Variants in KCNIP3 observed in about 807,000 individuals in gnomAD.
KCNIP3 encodes the protein potassium voltage-gated channel interacting protein 3, also known as calsenilin.
In KCNIP3, 28 loss-of-function variants were observed where a neutral mutation model predicts 35.0. The observed-to-expected ratio is 0.80, with a 90% CI of 0.59 to 1.10. KCNIP3 has a LOEUF of 1.10. Ranked by LOEUF, KCNIP3 falls within the 50% of genes least tolerant of loss-of-function variation. KCNIP3 has a pLI of 0.00. For missense variants in KCNIP3, 295 were observed against 338.4 expected (o/e 0.87, Z 1.01); for synonymous variants, 134 against 133.8 (o/e 1.00, Z -0.01).
chr2:95,359,365 A>G (rs1679735226), intron 2 of KCNIP3, among the ~76,000 whole-genome samples: 1 of 152,226 alleles, frequency 6.6e-6, no homozygotes. Context: ...CCGGCAAGAA[A>G]AAAGGGGGTA....
intron 2 of KCNIP3, among the ~76,000 whole-genome samples, chr2:95,367,115 A>G (rs1278839598): frequency 1.3e-5 from 2 of 152,042 alleles, no homozygotes; most frequent in Non-Finnish European, 2.9e-5. Context: ...TCTACTAAAA[A>G]TACAAAAACT....
intron 2 of KCNIP3, among the ~76,000 whole-genome samples, chr2:95,314,212 C>T (rs181851201): frequency 1.4e-4 from 22 of 152,172 alleles, no homozygotes; most frequent in Admixed American, 3.9e-4. Context: ...GTCTCTAATA[C>T]GTAAAGATCT....
rs555122981 is a variant in KCNIP3, at chr2:95,377,157, C to T, written c.447+1949C>T. Among the ~76,000 whole-genome samples the T allele has an allele frequency of 8.5e-5, 13 of 152,336 alleles. No individual in the cohort carries two copies. The highest frequency in any genetic ancestry group is 3.4e-3 in the Middle Eastern group (1 of 294). On this transcript the variant is annotated intron_variant, in intron 5 of 8. Transcript: ENST00000295225. The surrounding 1 kb of genome is among the most constrained non-coding windows in gnomAD (Gnocchi z 4.7). ...CAGCGCCACACACAGATTTGCTGAA[C>T]GCTCTGGCCACCAGGGCCTTTCTCG... is the stretch of plus-strand genomic sequence containing the variant.
chr2:95,298,495 C>T (rs181958727), intron 1 of KCNIP3, among the ~76,000 whole-genome samples: 10 of 152,274 alleles, frequency 6.6e-5, no homozygotes, highest in Non-Finnish European at 1.5e-4. Flanking sequence ...GACCCAGAGA[C>T]AATCAGGGTC....
In KCNIP3 at chr2:95,384,091, C is replaced by G. The variant is rs755537085; in HGVS notation, c.*42C>G. The G allele has an allele frequency of 8.8e-6, 14 of 1,590,454 alleles. No homozygotes were observed. In the South Asian group the frequency reaches 1.1e-4, roughly 13 times the overall value. On this transcript the variant is annotated 3_prime_UTR_variant, in exon 9 of 9. Coordinates refer to ENST00000295225, the MANE Select transcript of KCNIP3 (RefSeq NM_013434.5). The stretch of plus-strand genomic sequence containing the variant: ...TGCATGGCCACAGCCACCTCCACCC[C>G]CAAGAAACCTCCATCCTGCCAGGAG...
rs573333308 is a variant in KCNIP3 at position 95,377,948 on chromosome 2, G to T, written c.447+2740G>T. 2.0e-5 allele frequency among the ~76,000 whole-genome samples: 3 copies of T among 152,286 alleles called. No homozygotes were observed. Among genetic ancestry groups the T allele is most frequent in the African/African-American group, 7.2e-5 (3 of 41,552 alleles). The stretch of plus-strand genomic sequence containing the variant: ...GATAAGGTGGAGGACAGCGGTGCCT[G>T]CCCAGGGTCCCCAGGAGAACGGTGT... On this transcript the variant is annotated intron_variant, in intron 5 of 8. Coordinates refer to ENST00000295225, the MANE Select transcript of KCNIP3 (RefSeq NM_013434.5). The surrounding 1 kb of genome is among the most constrained non-coding windows in gnomAD (Gnocchi z 4.7).
Position 95,381,579 on chromosome 2 carries a change from C to T in KCNIP3, c.448-17C>T. 6.3e-7 allele frequency: 1 copy of T among 1,590,154 alleles called. No homozygotes were observed. The highest frequency in any genetic ancestry group is 1.3e-5 in the African/African-American group (1 of 74,598). ...CATTGATTGGATGTCACGCCCCACACTCTCCTTTCCCCATAGGACTTTGTG... is the reference window on the plus strand; with the variant it reads ...CATTGATTGGATGTCACGCCCCACATTCTCCTTTCCCCATAGGACTTTGTG... On this transcript the variant is annotated splice_polypyrimidine_tract_variant and intron_variant, in intron 5 of 8. Transcript: ENST00000295225.
At chr2:95,337,967 G>A (rs1467942545) in intron 2 of KCNIP3, among the ~76,000 whole-genome samples, 3 of 152,222 alleles carry the variant, frequency 2.0e-5, no homozygotes, top group Non-Finnish European at 4.4e-5. Context: ...GAAACTGGAG[G>A]TGGTGGGGGA....
chr2:95,305,280 C>G (rs543631308), intron 1 of KCNIP3, among the ~76,000 whole-genome samples: 1 of 152,180 alleles, frequency 6.6e-6, no homozygotes, highest in African/African-American at 2.4e-5. Context: ...TGCATGCTTG[C>G]GTTTTTAACA....
Position 95,350,163 on chromosome 2 carries a change from C to T in KCNIP3, c.182-24133C>T, listed in dbSNP as rs535520642. ...GCTGGTGGAGGGTGTTGGTGGGCCC[C>T]GGCAGGCAGCATTCCTGATGTGCTG... is the stretch of plus-strand genomic sequence containing the variant. On this transcript the variant is annotated intron_variant, in intron 2 of 8. Coordinates refer to ENST00000295225, the MANE Select transcript of KCNIP3 (RefSeq NM_013434.5). Among the ~76,000 whole-genome samples the T allele has an allele frequency of 8.5e-5, 13 of 152,256 alleles. No homozygotes were observed. In the East Asian group the frequency reaches 1.4e-3, roughly 16 times the overall value.
At chr2:95,375,446 T>A (rs1167832614) in intron 5 of KCNIP3, among the ~76,000 whole-genome samples, 2 of 151,916 alleles carry the variant, frequency 1.3e-5, no homozygotes, top group African/African-American at 4.8e-5. Flanking sequence ...AGAGTTTGCA[T>A]CCAGCTCTGC....
At chr2:95,317,136 C>T (rs1678477342) in intron 2 of KCNIP3, among the ~76,000 whole-genome samples, 1 of 152,160 alleles carries the variant, frequency 6.6e-6, no homozygotes, top group Non-Finnish European at 1.5e-5. Context: ...CCTACCTATG[C>T]CCCCGTCCTA....
intron 1 of KCNIP3, among the ~76,000 whole-genome samples, chr2:95,301,314 A>G (rs202247008): frequency 6.6e-6 from 1 of 152,244 alleles, no homozygotes; most frequent in South Asian, 2.1e-4. Context: ...ACAAATGTCC[A>G]TGGGTCTTGC....
chr2:95,319,640 G>A (rs1678538742), intron 2 of KCNIP3, among the ~76,000 whole-genome samples: 1 of 152,284 alleles, frequency 6.6e-6, no homozygotes, highest in African/African-American at 2.4e-5. Context: ...CCCTGGAGGG[G>A]CTAGAGCGAT....
chr2:95,384,204 A>ACACACACC lies in KCNIP3; in HGVS notation c.*157_*158insCACACCCA. 1 of 656,042 alleles carries ACACACACC rather than the reference A, an allele frequency of 1.5e-6. No homozygotes were observed. Among genetic ancestry groups the ACACACACC allele is most frequent in the Non-Finnish European group, 2.7e-6 (1 of 366,214 alleles). 40.6% of individuals were successfully genotyped at this position (656,042 alleles called of 1,614,324 possible). ...CACACACACACACACACACACACAC[A>ACACACACC]CAGCCATTCATCTGGGCTGGCAGAG... is the stretch of plus-strand genomic sequence containing the variant. On this transcript the variant is annotated 3_prime_UTR_variant, in exon 9 of 9. Transcript: ENST00000295225.
At position 95,378,897 on chromosome 2, in the gene KCNIP3, CAT is replaced by C. The variant is rs758433110; in HGVS notation, c.448-2684_448-2683del. On this transcript the variant is annotated intron_variant, in intron 5 of 8. Coordinates refer to ENST00000295225, the MANE Select transcript of KCNIP3 (RefSeq NM_013434.5). This position sits in a 1 kb window ranked among gnomAD's most constrained non-coding sequence, Gnocchi z 4.0. ...ACACACATATATATACACACACACA[CAT>C]ATATATATATATATTCATTGTCTTC... 4.8e-4 allele frequency among the ~76,000 whole-genome samples: 72 copies of C among 149,018 alleles called. No individual in the cohort carries two copies. The highest frequency in any genetic ancestry group is 3.5e-3 in the Middle Eastern group (1 of 286).
chr2:95,345,283 T>C (rs1212107061), intron 2 of KCNIP3, among the ~76,000 whole-genome samples: 1 of 152,216 alleles, frequency 6.6e-6, no homozygotes, highest in Non-Finnish European at 1.5e-5. Context: ...CTCACGTAAT[T>C]AGCCCTCTAG....
rs1324916253 is a variant in KCNIP3, at chr2:95,310,527, G to C, written c.181+7G>C. 4 of 1,612,998 alleles carry C rather than the reference G, an allele frequency of 2.5e-6. No individual in the cohort carries two copies. Among genetic ancestry groups the C allele is most frequent in the Non-Finnish European group, 3.4e-6 (4 of 1,179,568 alleles). ...ACAGCCCCACAGGGCTCAGGTAGGG[G>C]CCAGGGTGGGCTGTGGTCAAGGGTG... On this transcript the variant is annotated splice_region_variant and intron_variant, in intron 2 of 8. Transcript: ENST00000295225.
rs1041319911 is a variant in KCNIP3 at position 95,382,074 on chromosome 2, C to A, written c.556-303C>A. 3.3e-5 allele frequency among the ~76,000 whole-genome samples: 5 copies of A among 152,168 alleles called. No homozygotes were observed. Among genetic ancestry groups the A allele is most frequent in the African/African-American group, 1.2e-4 (5 of 41,452 alleles). ...CTTAAGGCATGGGTGGAGAGGGGAG[C>A]CCTCGCACATGGGCCCACAGACAGG... On this transcript the variant is annotated intron_variant, in intron 6 of 8. Coordinates refer to ENST00000295225, the MANE Select transcript of KCNIP3 (RefSeq NM_013434.5). This position sits in a 1 kb window ranked among gnomAD's most constrained non-coding sequence, Gnocchi z 4.5.
Sources: gnomAD v4.1 joint callset for allele counts (sites outside exome capture counted in the v4.1 genomes callset) on GRCh38, gnomAD v4.1.1 for gene constraint, Gnocchi (gnomAD v3.1) non-coding constraint, MANE v1.5 for transcripts, NCBI Gene and HGNC (gene_info 2026-07-23, HGNC 2026-07-21) for gene names.